Variants in RIMS2 observed in about 807,000 individuals in gnomAD.
RIMS2 encodes the protein regulating synaptic membrane exocytosis 2, also known as regulating synaptic membrane exocytosis protein 2.
Under a neutral mutation model 174.4 loss-of-function variants are expected in RIMS2, and 59 were observed. That is an observed-to-expected ratio of 0.34 (90% confidence interval 0.27 to 0.42). The LOEUF (loss-of-function observed/expected upper bound fraction) is 0.42. RIMS2 is among the 10% of genes least tolerant of loss of function. The pLI is 1.00. For missense variants in RIMS2, 1,620 were observed against 1,666.3 expected (o/e 0.97, Z 0.48); for synonymous variants, 606 against 572.5 (o/e 1.06, Z -0.84).
chr8:103,587,408 AGAAGAAAG>A (rs1171170835), intron 1 of RIMS2, among the ~76,000 whole-genome samples: 1 of 126,178 alleles, frequency 7.9e-6, no homozygotes, highest in Non-Finnish European at 1.7e-5. Flanking sequence ...GGAAGAAAAA[AGAAGAAAG>A]AAAGAAAGAA....
chr8:104,190,670 A>G (rs1586919596), intron 19 of RIMS2, among the ~76,000 whole-genome samples: 2 of 152,230 alleles, frequency 1.3e-5, no homozygotes, highest in African/African-American at 4.8e-5. Flanking sequence ...GACTGCATTG[A>G]TGTAGAGTGG....
At chr8:104,065,801 T>C (rs2097096215) in intron 19 of RIMS2, among the ~76,000 whole-genome samples, 1 of 152,138 alleles carries the variant, frequency 6.6e-6, no homozygotes, top group South Asian at 2.1e-4. Flanking sequence ...CTATAGATGA[T>C]GATTGGGTCT....
At chr8:103,988,542 C>T (rs770839634) in intron 16 of RIMS2, among the ~76,000 whole-genome samples, 15 of 152,308 alleles carry the variant, frequency 9.8e-5, no homozygotes, top group Admixed American at 3.3e-4. Flanking sequence ...TCACTGCAGC[C>T]TCCACCTCCC....
At chr8:103,691,925 AGTAAT>A (rs1396323721) in intron 1 of RIMS2, among the ~76,000 whole-genome samples, 1 of 152,186 alleles carries the variant, frequency 6.6e-6, no homozygotes, top group Non-Finnish European at 1.5e-5. Flanking sequence ...CACCAATCCC[AGTAAT>A]GTTGCAGACT....
At chr8:104,165,204 T>C (rs2098789682) in intron 19 of RIMS2, among the ~76,000 whole-genome samples, 1 of 152,232 alleles carries the variant, frequency 6.6e-6, no homozygotes, top group South Asian at 2.1e-4. Context: ...TTTTGTTTTA[T>C]GTTTGATTGT....
At chr8:103,868,819 C>T (rs985341683) in intron 3 of RIMS2, among the ~76,000 whole-genome samples, 6 of 151,886 alleles carry the variant, frequency 4.0e-5, no homozygotes, top group African/African-American at 1.2e-4. Flanking sequence ...GTTGAAGTGA[C>T]GATCTATAAA....
rs149600773 is a variant in RIMS2 at position 103,728,829 on chromosome 8, T to C, written c.387+31533T>C. Among the ~76,000 whole-genome samples the C allele has an allele frequency of 5.9e-3, 877 of 149,408 alleles. 11 individuals are homozygous for C. The highest frequency in any genetic ancestry group is 0.021 in the African/African-American group (830 of 40,234). ...TTTGCTTTATTATTATCAATTGAAA[T>C]GATCGTGTGGTTTTTGTCCTTCATT... On this transcript the variant is annotated intron_variant, in intron 2 of 23. Coordinates refer to ENST00000504942, the Ensembl canonical transcript of RIMS2.
intron 1 of RIMS2, among the ~76,000 whole-genome samples, chr8:103,578,622 T>C (rs1315944887): frequency 3.3e-5 from 5 of 152,136 alleles, no homozygotes; most frequent in Non-Finnish European, 7.4e-5. Flanking sequence ...GGCAACAGAC[T>C]TTTCAGTGGA....
At chr8:104,142,709 T>TGGC (rs2133669010) in intron 19 of RIMS2, among the ~76,000 whole-genome samples, 1 of 152,236 alleles carries the variant, frequency 6.6e-6, no homozygotes, top group African/African-American at 2.4e-5. Flanking sequence ...CATAGATTAA[T>TGGC]TACTAATGGC....
intron 2 of RIMS2, among the ~76,000 whole-genome samples, chr8:103,713,112 G>A (rs1470593932): frequency 6.6e-6 from 1 of 151,992 alleles, no homozygotes; most frequent in African/African-American, 2.4e-5. Flanking sequence ...TCCACTTCCT[G>A]GGTTCAAGTG....
intron 1 of RIMS2, among the ~76,000 whole-genome samples, chr8:103,623,086 T>C (rs1052174470): frequency 1.3e-5 from 2 of 152,178 alleles, no homozygotes; most frequent in African/African-American, 4.8e-5. Flanking sequence ...ATGGCAAATT[T>C]GATCTGACAT....
chr8:103,684,202 T>C (rs1225796927), intron 1 of RIMS2, among the ~76,000 whole-genome samples: 1 of 152,118 alleles, frequency 6.6e-6, no homozygotes, highest in African/African-American at 2.4e-5. Flanking sequence ...CCAAGAGGTT[T>C]CTTGTGCCCA....
intron 19 of RIMS2, among the ~76,000 whole-genome samples, chr8:104,118,104 T>C (rs908754462): frequency 3.9e-5 from 6 of 152,174 alleles, no homozygotes; most frequent in African/African-American, 1.2e-4. Flanking sequence ...ATACTTCCAA[T>C]AAGTAACAAA....
At chr8:103,723,690 A>G (rs2097486074) in intron 2 of RIMS2, among the ~76,000 whole-genome samples, 1 of 152,174 alleles carries the variant, frequency 6.6e-6, no homozygotes, top group Non-Finnish European at 1.5e-5. Context: ...TACCAGGTCC[A>G]ACCTGGAGTC....
At chr8:104,179,762 T>C (rs1170289054) in intron 19 of RIMS2, among the ~76,000 whole-genome samples, 1 of 151,846 alleles carries the variant, frequency 6.6e-6, no homozygotes, top group Non-Finnish European at 1.5e-5. Flanking sequence ...CTTTTCTGTG[T>C]TTTTAATTTA....
intron 14 of RIMS2, among the ~76,000 whole-genome samples, chr8:103,948,164 T>C (rs951335791): frequency 6.6e-6 from 1 of 152,126 alleles, no homozygotes; most frequent in Non-Finnish European, 1.5e-5. Flanking sequence ...CTAGAATGAA[T>C]GTAATAAAAA....
chr8:103,715,235 G>A (rs151225859), intron 2 of RIMS2, among the ~76,000 whole-genome samples: 1 of 152,224 alleles, frequency 6.6e-6, no homozygotes, highest in East Asian at 1.9e-4. Flanking sequence ...TGTGTGCCAT[G>A]GTGGTTTGCT....
chr8:103,851,979 C>T (rs773430188), intron 3 of RIMS2, among the ~76,000 whole-genome samples: 4 of 151,772 alleles, frequency 2.6e-5, no homozygotes, highest in Non-Finnish European at 4.4e-5. Flanking sequence ...TGCTGCAAAT[C>T]GTACTCGGGC....
intron 15 of RIMS2, among the ~76,000 whole-genome samples, chr8:103,972,205 C>T (rs1330005354): frequency 6.6e-6 from 1 of 152,184 alleles, no homozygotes; most frequent in Non-Finnish European, 1.5e-5. Context: ...TCCAGCTTAA[C>T]ATGTCCAAAA....
Sources: allele counts gnomAD v4.1 joint callset (sites outside exome capture counted in the v4.1 genomes callset), GRCh38; gene constraint gnomAD v4.1.1; transcripts MANE v1.5; gene names NCBI Gene and HGNC (gene_info 2026-07-23, HGNC 2026-07-21).